TLL2: variants seen among roughly 807,000 people sequenced by gnomAD.
TLL2 encodes the protein tolloid-like protein 2.
Under a neutral mutation model 123.0 loss-of-function variants are expected in TLL2, and 106 were observed. The observed-to-expected ratio is 0.86, with a 90% CI of 0.74 to 1.01. TLL2 has a LOEUF of 1.01. Among genes scored for constraint, TLL2 ranks in the 50% least tolerant of loss-of-function variants. The pLI is 0.00. For synonymous variants in TLL2, 494 were observed against 516.8 expected (o/e 0.96, Z 0.60); for missense variants, 1,332 against 1,336.7 (o/e 1.00, Z 0.06).
intron 2 of TLL2, among the ~76,000 whole-genome samples, chr10:96,460,003 A>C (rs561888117): frequency 9.9e-4 from 105 of 106,076 alleles, no homozygotes; most frequent in African/African-American, 2.9e-3. Context: ...AAGCTTCAGT[A>C]AGAATAATTT....
chr10:96,452,789 T>A (rs1846974197), intron 2 of TLL2, among the ~76,000 whole-genome samples: 1 of 152,220 alleles, frequency 6.6e-6, no homozygotes, highest in Non-Finnish European at 1.5e-5. Context: ...ACAACTTTGT[T>A]GGAAAATTAC....
intron 13 of TLL2, among the ~76,000 whole-genome samples, chr10:96,391,028 C>A (rs1363826965): frequency 6.6e-6 from 1 of 152,170 alleles, no homozygotes; most frequent in Non-Finnish European, 1.5e-5. Flanking sequence ...AAGGCAGCTG[C>A]CAGCAAATTC....
At chr10:96,384,886 C>T (rs1846218961) in intron 15 of TLL2, 119 bp from the exon 16 acceptor site, 1 of 1,008,118 alleles carries the variant, frequency 9.9e-7, no homozygotes, top group African/African-American at 1.7e-5. Flanking sequence ...GGGGAGGGTC[C>T]CTTGACTCTT....
In TLL2 at chr10:96,461,841, A is replaced by G. The variant is rs190944038; in HGVS notation, c.287-15673T>C. ...CCAGGTGCCAGAGAGACAAAAGCGA[A>G]TCAGATACAGTCACCACCCCCAAGG... On this transcript the variant is annotated intron_variant, in intron 2 of 20. Transcript: ENST00000357947. Among the ~76,000 whole-genome samples the G allele has an allele frequency of 6.2e-4, 95 of 152,342 alleles. 1 individual carries two copies. The East Asian group carries it at 0.016, about 25-fold the overall frequency.
intron 2 of TLL2, among the ~76,000 whole-genome samples, chr10:96,478,322 C>T (rs141723037): frequency 1.1e-3 from 160 of 152,342 alleles, no homozygotes; most frequent in South Asian, 3.3e-3. Context: ...GACCAAGACT[C>T]AAAGCCTTAC....
chr10:96,440,697 G>A (rs1376179120), intron 3 of TLL2, among the ~76,000 whole-genome samples: 1 of 152,212 alleles, frequency 6.6e-6, no homozygotes, highest in Non-Finnish European at 1.5e-5. Flanking sequence ...AGCCAAGTCA[G>A]CATGGGAAAA....
rs1846521907 is a variant in TLL2 at position 96,413,055 on chromosome 10, C to T, written c.1048+137G>A. On this transcript the variant is annotated intron_variant, in intron 8 of 20. Transcript: ENST00000357947. Reference sequence around the variant, plus strand: ...TTCACCTTTCTATACTGCCTAGCACCTCCTACCAGAAGGACACCAGAAATT... The same window carrying T: ...TTCACCTTTCTATACTGCCTAGCACTTCCTACCAGAAGGACACCAGAAATT... The T allele has an allele frequency of 9.4e-6, 12 of 1,275,618 alleles. No individual in the cohort carries two copies. In the South Asian group the frequency reaches 1.7e-4, roughly 18 times the overall value. 79.0% of individuals were successfully genotyped at this position (1,275,618 alleles called of 1,614,324 possible). A position where few individuals can be genotyped will look rare whatever the true frequency, so the allele number is the denominator to read the frequency against.
chr10:96,428,850 G>A lies in TLL2; in HGVS notation c.521-102C>T. 2 of 751,132 alleles carry A rather than the reference G, an allele frequency of 2.7e-6. 1 individual carries two copies. The highest frequency in any genetic ancestry group is 5.4e-5 in the East Asian group (2 of 36,756). 46.5% of individuals were successfully genotyped at this position (751,132 alleles called of 1,614,324 possible). The stretch of plus-strand genomic sequence containing the variant: ...ACGGAGTTTTGCCTTTGTTGCCCAG[G>A]CTGGAGTGCAATAGTGCGATCTCGG... On this transcript the variant is annotated intron_variant, in intron 4 of 20. Transcript: ENST00000357947.
chr10:96,378,322 A>C (rs7080964), intron 17 of TLL2, among the ~76,000 whole-genome samples: 148,443 of 152,344 alleles, frequency 0.97, 72,446 homozygotes, highest in East Asian at 1. Flanking sequence ...AATGTTCGAA[A>C]TCCCTTCACT....
intron 11 of TLL2, among the ~76,000 whole-genome samples, chr10:96,396,475 A>G (rs904372969): frequency 1.3e-5 from 2 of 152,170 alleles, no homozygotes; most frequent in Admixed American, 1.3e-4. Flanking sequence ...TATTTTACAA[A>G]GACAAAACTT....
At chr10:96,376,492 C>T (rs905615044) in intron 18 of TLL2, among the ~76,000 whole-genome samples, 200 bp downstream of exon 18, 1 of 152,236 alleles carries the variant, frequency 6.6e-6, no homozygotes, top group African/African-American at 2.4e-5. Context: ...AGCTTTTGTG[C>T]GTTGTCTCTT....
intron 2 of TLL2, among the ~76,000 whole-genome samples, chr10:96,452,980 T>C (rs535282862): frequency 6.6e-6 from 1 of 150,532 alleles, no homozygotes; most frequent in Non-Finnish European, 1.5e-5. Flanking sequence ...CCAAATTTCA[T>C]ATGCTACAGA....
intron 9 of TLL2, among the ~76,000 whole-genome samples, chr10:96,409,744 G>T (rs1846483298): frequency 6.6e-6 from 1 of 152,140 alleles, no homozygotes; most frequent in Non-Finnish European, 1.5e-5. Context: ...GCTTGCCCAG[G>T]TCCTACGCCA....
At position 96,387,007 on chromosome 10, in the gene TLL2, T is replaced by C; in HGVS notation, c.1798A>G (p.Lys600Glu). 1 of 1,614,116 alleles carries C rather than the reference T, an allele frequency of 6.2e-7. No individual in the cohort carries two copies. Among genetic ancestry groups the C allele is most frequent in the Non-Finnish European group, 8.5e-7 (1 of 1,180,036 alleles). Residue 600 changes from lysine to glutamate, a missense_variant, in exon 14 of 21, where the codon AAG (lysine) becomes GAG (glutamate). Coordinates refer to ENST00000357947, the MANE Select transcript of TLL2 (RefSeq NM_012465.4). ...TCGTAGCCAGGGTCACAGGCACACT[T>C]GTAGCTGCCCAGCGTGTTCACACAG... ...HRCVNTLGSY[K>E]CACDPGYELA...
intron 18 of TLL2, among the ~76,000 whole-genome samples, chr10:96,376,038 G>A (rs1251985354): frequency 2.0e-5 from 3 of 152,136 alleles, no homozygotes; most frequent in South Asian, 2.1e-4. Flanking sequence ...CATCATATAC[G>A]TGAAAAAGAC....
In TLL2 at chr10:96,460,143, T is replaced by A. The variant is rs369120706; in HGVS notation, c.287-13975A>T. ...CCCCAAAATGAAAACAAACCACTCA[T>A]ATAAGGGAAAATACCTGCATTGAAG... On this transcript the variant is annotated intron_variant, in intron 2 of 20. Transcript: ENST00000357947. Among the ~76,000 whole-genome samples, 17 of 152,274 alleles carry A rather than the reference T, an allele frequency of 1.1e-4. No individual in the cohort carries two copies. In the East Asian group the frequency reaches 1.9e-3, roughly 17 times the overall value.
rs1408994269 is a variant in TLL2 at position 96,410,420 on chromosome 10, G to A, written c.1103C>T (p.Pro368Leu). Reference protein sequence around the residue: ...TTGNFSAPGFPNGYPSYSHCV... With the variant: ...TTGNFSAPGFLNGYPSYSHCV... ...GTGGGAGTAAGATGGGTACCCATTT[G>A]GGAAACCAGGTGCAGAAAAGTTTCC... Residue 368 changes from proline to leucine, a missense_variant, in exon 9 of 21, where the codon CCA becomes CTA. By Grantham distance (98) the Pro-to-Leu change is moderately conservative. Coordinates refer to ENST00000357947, the MANE Select transcript of TLL2 (RefSeq NM_012465.4). The A allele has an allele frequency of 6.2e-7, 1 of 1,614,052 alleles. No homozygotes were observed. The highest frequency in any genetic ancestry group is 1.1e-5 in the South Asian group (1 of 91,062).
chr10:96,396,726 A>T (rs898837136), intron 11 of TLL2, among the ~76,000 whole-genome samples: 4 of 151,956 alleles, frequency 2.6e-5, no homozygotes, highest in African/African-American at 9.7e-5. Flanking sequence ...CTCAGCCACC[A>T]GGGTAGCCTC....
Position 96,422,710 on chromosome 10 carries a change from C to T in TLL2, c.656G>A (p.Gly219Glu), listed in dbSNP as rs1008035161. ...GGCCTGTGGGCCTCCTCCTCGGCGC[C>T]CAACATAGGAGCAACAGCTGGACAA... ...YRTCGCCSYVGRRGGGPQAIS... is the reference protein window; with the variant it reads ...YRTCGCCSYVERRGGGPQAIS... The change falls in exon 6 of 21, where the codon GGG becomes GAG. Residue 219 changes from glycine (G) to glutamate (E), a missense_variant. Coordinates refer to ENST00000357947, the MANE Select transcript of TLL2 (RefSeq NM_012465.4). The T allele has an allele frequency of 1.9e-6, 3 of 1,614,166 alleles. No individual in the cohort carries two copies. The highest frequency in any genetic ancestry group is 2.5e-6 in the Non-Finnish European group (3 of 1,180,022).
Sources: gnomAD v4.1 joint callset for allele counts (sites outside exome capture counted in the v4.1 genomes callset) on GRCh38, gnomAD v4.1.1 for gene constraint, MANE v1.5 for transcripts, NCBI Gene and HGNC (gene_info 2026-07-23, HGNC 2026-07-21) for gene names.